The following GPM6A variants were observed in gnomAD, a reference collection of about 807,000 sequenced individuals.
The protein encoded by GPM6A is glycoprotein M6A.
In GPM6A, 7 loss-of-function variants were observed where a neutral mutation model predicts 32.1. That is an observed-to-expected ratio of 0.22 (90% CI 0.12 to 0.41). The LOEUF (loss-of-function observed/expected upper bound fraction) is 0.41, where lower values mean the gene tolerates loss of function less well. Ranked by LOEUF, GPM6A falls within the 10% of genes least tolerant of loss-of-function variation. The pLI is 1.00. For synonymous variants in GPM6A, 130 were observed against 123.4 expected, an observed-to-expected ratio of 1.05 and a Z score of -0.35; for missense variants, 235 against 347.2, an observed-to-expected ratio of 0.68 and a Z score of 2.57.
At position 175,916,841 on chromosome 4, in the gene GPM6A, T is replaced by C. The variant is rs567960228; in HGVS notation, c.-23+85468A>G. Among the ~76,000 whole-genome samples, 10 of 152,254 alleles carry C rather than the reference T, an allele frequency of 6.6e-5. No homozygotes were observed. The East Asian group carries it at 1.5e-3, about 24-fold the overall frequency. ...CACTCCCCAAGCCCCTCCTTCCACATTAAAAACACAGTTTTCCTGGCCAAG... is the reference window on the plus strand; with the variant it reads ...CACTCCCCAAGCCCCTCCTTCCACACTAAAAACACAGTTTTCCTGGCCAAG... On this transcript the variant is annotated intron_variant, in intron 1 of 7. Transcript: ENST00000280187.
chr4:175,918,444 A>G (rs1363324275), intron 1 of GPM6A, among the ~76,000 whole-genome samples: 2 of 152,158 alleles, frequency 1.3e-5, no homozygotes, highest in African/African-American at 2.4e-5. Flanking sequence ...ATAACATCGC[A>G]ATAGGTTTTA....
intron 1 of GPM6A, among the ~76,000 whole-genome samples, chr4:175,908,820 TAAGAA>T (rs1439150917): frequency 6.6e-6 from 1 of 152,140 alleles, no homozygotes; most frequent in Admixed American, 6.6e-5. Flanking sequence ...ATGAACCATA[TAAGAA>T]AAGATTGTTT....
chr4:175,981,936 T>G (rs1266165255), intron 1 of GPM6A, among the ~76,000 whole-genome samples: 1 of 151,938 alleles, frequency 6.6e-6, no homozygotes, highest in African/African-American at 2.4e-5. Context: ...TCTGTTTTCC[T>G]TTTTTAAAAA....
intron 1 of GPM6A, among the ~76,000 whole-genome samples, chr4:175,919,816 G>A (rs1738608596): frequency 6.6e-6 from 1 of 152,200 alleles, no homozygotes; most frequent in Non-Finnish European, 1.5e-5. Context: ...ATCCAATTCA[G>A]TCTGAAATCT....
intron 1 of GPM6A, among the ~76,000 whole-genome samples, chr4:175,705,788 AAGTGG>A (rs1319062024): frequency 1.3e-5 from 2 of 152,182 alleles, no homozygotes; most frequent in Non-Finnish European, 2.9e-5. Context: ...AAGGCATAGG[AAGTGG>A]AGTGCTGGTG....
chr4:175,741,184 A>G (rs1440124147), intron 1 of GPM6A, among the ~76,000 whole-genome samples: 3 of 152,012 alleles, frequency 2.0e-5, no homozygotes, highest in Admixed American at 6.6e-5. Flanking sequence ...ACAACCACTC[A>G]ATTTAGAAAC....
At chr4:175,886,287 A>C (rs1452789620) in intron 1 of GPM6A, among the ~76,000 whole-genome samples, 1 of 152,180 alleles carries the variant, frequency 6.6e-6, no homozygotes, top group Non-Finnish European at 1.5e-5. Flanking sequence ...TATCCATAAG[A>C]GCATTATAAT....
At chr4:175,712,044 T>TGTCTA (rs1745586099) in intron 1 of GPM6A, among the ~76,000 whole-genome samples, 3 of 151,734 alleles carry the variant, frequency 2.0e-5, no homozygotes, top group Non-Finnish European at 2.9e-5. Flanking sequence ...CACAAAGAAA[T>TGTCTA]CTATGACAAA....
intron 1 of GPM6A, among the ~76,000 whole-genome samples, chr4:175,778,085 G>C (rs145844650): frequency 6.6e-6 from 1 of 151,932 alleles, no homozygotes; most frequent in Non-Finnish European, 1.5e-5. Context: ...TCCCAACTCC[G>C]ACTCTCTACA....
At chr4:175,713,165 C>T (rs950230075) in intron 1 of GPM6A, among the ~76,000 whole-genome samples, 1 of 152,066 alleles carries the variant, frequency 6.6e-6, no homozygotes, top group Non-Finnish European at 1.5e-5. Flanking sequence ...TAATAGTTAA[C>T]CCTTTAATGA....
At chr4:175,766,007 G>A (rs994530861) in intron 1 of GPM6A, among the ~76,000 whole-genome samples, 1 of 151,992 alleles carries the variant, frequency 6.6e-6, no homozygotes, top group Non-Finnish European at 1.5e-5. Context: ...CCAACATTAG[G>A]GTGTCCTTTG....
intron 6 of GPM6A, among the ~76,000 whole-genome samples, chr4:175,637,333 ATT>A (rs1740763905): frequency 2.6e-5 from 2 of 76,056 alleles, no homozygotes; most frequent in African/African-American, 1.0e-4. Context: ...TATATTATAT[ATT>A]ATATATTATA....
At chr4:175,761,017 G>C (rs1732715412) in intron 1 of GPM6A, among the ~76,000 whole-genome samples, 1 of 152,026 alleles carries the variant, frequency 6.6e-6, no homozygotes, top group African/African-American at 2.4e-5. Context: ...AAACTTCTAA[G>C]GGAAGTGCTG....
chr4:175,953,211 T>C (rs969671433), intron 1 of GPM6A, among the ~76,000 whole-genome samples: 4 of 152,178 alleles, frequency 2.6e-5, no homozygotes, highest in Admixed American at 6.5e-5. Flanking sequence ...AATTTTATTC[T>C]ATATCAAACT....
At chr4:175,703,272 A>G (rs762280173) in intron 1 of GPM6A, among the ~76,000 whole-genome samples, 5 of 152,080 alleles carry the variant, frequency 3.3e-5, no homozygotes, top group Admixed American at 6.6e-5. Context: ...CCTGGGTTTA[A>G]GTGATTCTCC....
intron 3 of GPM6A, among the ~76,000 whole-genome samples, chr4:175,673,009 T>A (rs1743167529): frequency 1.3e-5 from 2 of 152,104 alleles, no homozygotes; most frequent in South Asian, 4.1e-4. Context: ...TGTTGTTACA[T>A]AACATTAGAA....
intron 1 of GPM6A, among the ~76,000 whole-genome samples, chr4:175,838,447 C>CT (rs1297019037): frequency 6.6e-6 from 1 of 150,614 alleles, no homozygotes; most frequent in Non-Finnish European, 1.5e-5. Flanking sequence ...AAAGCTGCAA[C>CT]TTTTTTTCTG....
At chr4:175,688,392 A>T (rs565364850) in intron 2 of GPM6A, among the ~76,000 whole-genome samples, 35 of 152,286 alleles carry the variant, frequency 2.3e-4, no homozygotes, top group African/African-American at 7.2e-4. Flanking sequence ...TAATATAAGC[A>T]TTCAATTTCA....
At chr4:175,948,567 T>A (rs1165402071) in intron 1 of GPM6A, among the ~76,000 whole-genome samples, 1 of 152,244 alleles carries the variant, frequency 6.6e-6, no homozygotes, top group African/African-American at 2.4e-5. Flanking sequence ...TTACATTGTT[T>A]GACTTTTGAA....
Sources: gnomAD v4.1 joint callset for allele counts (sites outside exome capture counted in the v4.1 genomes callset) on GRCh38, gnomAD v4.1.1 for gene constraint, MANE v1.5 for transcripts, NCBI Gene and HGNC (gene_info 2026-07-23, HGNC 2026-07-21) for gene names.